The following MAN1A2 variants were observed in gnomAD, a reference collection of about 807,000 sequenced individuals.
The protein encoded by MAN1A2 is mannosyl-oligosaccharide 1,2-alpha-mannosidase IB.
A neutral mutation model predicts 75.7 loss-of-function variants in MAN1A2; 26 were observed. That is an observed-to-expected ratio of 0.34 (90% CI 0.25 to 0.48). MAN1A2 has a LOEUF of 0.48. Ranked by LOEUF, MAN1A2 falls within the 20% of genes least tolerant of loss-of-function variation. The pLI is 0.99. For synonymous variants in MAN1A2, 247 were observed against 264.6 expected (o/e 0.93, Z 0.65); for missense variants, 562 against 775.5 (o/e 0.72, Z 3.27).
Position 117,512,665 on chromosome 1 carries a change from A to G in MAN1A2, c.1793+9695A>G, listed in dbSNP as rs940676933. The stretch of plus-strand genomic sequence containing the variant: ...TAGTTCAGTCTCTTCAAATAGGTAT[A>G]CTGGAAGACCAGAACCGTGGTCTTT... On this transcript the variant is annotated intron_variant, in intron 12 of 12. Coordinates refer to ENST00000356554, the MANE Select transcript of MAN1A2 (RefSeq NM_006699.5). Among the ~76,000 whole-genome samples the G allele has an allele frequency of 6.6e-5, 10 of 151,972 alleles. No individual in the cohort carries two copies. In the East Asian group the frequency reaches 1.7e-3, roughly 26 times the overall value.
At position 117,515,545 on chromosome 1, in the gene MAN1A2, G is replaced by A. The variant is rs1224242235; in HGVS notation, c.1794-7280G>A. 1.8e-4 allele frequency: 28 copies of A among 152,096 alleles called. 1 individual carries two copies. The highest frequency in any genetic ancestry group is 1.7e-3 in the Admixed American group (26 of 15,244). The allele number at this position is 152,096 out of a possible 1,614,324, so 9.4% of individuals were successfully genotyped here. On this transcript the variant is annotated intron_variant, in intron 12 of 12. Coordinates refer to ENST00000356554, the MANE Select transcript of MAN1A2 (RefSeq NM_006699.5). ...GTGGGGTAAAACAGAAAGTAGCTTT[G>A]TGAAAAGAAGGATTCAGCCTGAAAA...
intron 2 of MAN1A2, 59 bp downstream of exon 2, chr1:117,402,500 A>G (rs1231411728): frequency 2.2e-5 from 31 of 1,432,918 alleles, no homozygotes; most frequent in Non-Finnish European, 1.5e-5. Context: ...GATACAAACA[A>G]ATATATATAA....
chr1:117,379,522 T>G (rs1653262404), intron 1 of MAN1A2, among the ~76,000 whole-genome samples: 1 of 152,140 alleles, frequency 6.6e-6, no homozygotes. Flanking sequence ...AAGTGAGCAC[T>G]TAGTAGTATT....
chr1:117,480,476 T>G (rs1650461429), intron 8 of MAN1A2, among the ~76,000 whole-genome samples: 1 of 151,802 alleles, frequency 6.6e-6, no homozygotes, highest in Non-Finnish European at 1.5e-5. Context: ...GTCCAAAGTT[T>G]TTGGTTGTTT....
chr1:117,470,976 A>G (rs1398127882), intron 8 of MAN1A2, among the ~76,000 whole-genome samples: 1 of 151,956 alleles, frequency 6.6e-6, no homozygotes, highest in African/African-American at 2.4e-5. Flanking sequence ...AACAGATGTA[A>G]AAGAATATAG....
Position 117,528,529 on chromosome 1 carries a change from T to A in MAN1A2, c.*5572T>A, listed in dbSNP as rs1181186914. ...TTGTGGCTGTTTTATTTCTACAAAATTCTGTAAGATGTATACCAGAAAACA... is the reference window on the plus strand; with the variant it reads ...TTGTGGCTGTTTTATTTCTACAAAAATCTGTAAGATGTATACCAGAAAACA... On this transcript the variant is annotated 3_prime_UTR_variant, in exon 13 of 13. Transcript: ENST00000356554. 2.6e-5 allele frequency: 4 copies of A among 152,106 alleles called. No homozygotes were observed. In the South Asian group the frequency reaches 8.3e-4, roughly 31 times the overall value. 9.4% of individuals were successfully genotyped at this position (152,106 alleles called of 1,614,324 possible). A position where few individuals can be genotyped will look rare whatever the true frequency, so the allele number is the denominator to read the frequency against.
At chr1:117,517,993 T>C (rs952508472) in intron 12 of MAN1A2, among the ~76,000 whole-genome samples, 4 of 151,866 alleles carry the variant, frequency 2.6e-5, no homozygotes, top group Non-Finnish European at 4.4e-5. Context: ...CCATCTGATA[T>C]AGGAAATGGA....
intron 5 of MAN1A2, among the ~76,000 whole-genome samples, chr1:117,431,187 TGGGGAGAGGGAGGGGGAGGGGGAG>T (rs1557947785): frequency 3.9e-5 from 2 of 50,910 alleles, no homozygotes; most frequent in Non-Finnish European, 7.0e-5. Flanking sequence ...AGGGAGACCG[TGGGGAGAGGGAGGGGGAGGGGGAG>T]GGGGAGGGGG....
intron 5 of MAN1A2, among the ~76,000 whole-genome samples, chr1:117,438,276 T>A (rs753231015): frequency 1.8e-4 from 27 of 152,162 alleles, no homozygotes; most frequent in East Asian, 1.2e-3. Context: ...AAAAAAAAAA[T>A]TTTAATAGAA....
intron 8 of MAN1A2, among the ~76,000 whole-genome samples, chr1:117,486,649 A>G (rs1210886261): frequency 6.6e-6 from 1 of 151,984 alleles, no homozygotes; most frequent in East Asian, 1.9e-4. Flanking sequence ...CTAAAGATAA[A>G]ATTGATTTAA....
chr1:117,401,691 C>A (rs146949242), intron 1 of MAN1A2, among the ~76,000 whole-genome samples: 2 of 152,198 alleles, frequency 1.3e-5, no homozygotes, highest in East Asian at 1.9e-4. Flanking sequence ...GTAGTCATGC[C>A]CACATCTGTT....
At chr1:117,500,712 C>T (rs1651174492) in intron 11 of MAN1A2, among the ~76,000 whole-genome samples, 2 of 151,820 alleles carry the variant, frequency 1.3e-5, no homozygotes, top group Non-Finnish European at 2.9e-5. Flanking sequence ...ATTGATGCTG[C>T]TTTTCCTTGG....
At chr1:117,423,199 T>C (rs1040189303) in intron 5 of MAN1A2, among the ~76,000 whole-genome samples, 5 of 152,200 alleles carry the variant, frequency 3.3e-5, no homozygotes, top group African/African-American at 1.2e-4. Flanking sequence ...TGATTAGGTA[T>C]GTGTGGGTCT....
rs115729167 is a variant in MAN1A2, at chr1:117,448,177, C to T, written c.950+5852C>T. 6.3e-3 allele frequency among the ~76,000 whole-genome samples: 951 copies of T among 152,096 alleles called. 8 individuals carry two copies. The highest frequency in any genetic ancestry group is 0.022 in the African/African-American group (908 of 41,480). On this transcript the variant is annotated intron_variant, in intron 6 of 12. Coordinates refer to ENST00000356554, the MANE Select transcript of MAN1A2 (RefSeq NM_006699.5). ...ATTCCTGAATATTTTATTCTCCTTG[C>T]GGCAATTCTGAACGGGAGCTTATTA...
chr1:117,443,154 G>C (rs1353298661), intron 6 of MAN1A2, among the ~76,000 whole-genome samples: 1 of 151,420 alleles, frequency 6.6e-6, no homozygotes, highest in African/African-American at 2.4e-5. Flanking sequence ...TAAAAGTTAG[G>C]AACATTTATT....
At chr1:117,403,901 T>C (rs1647525401) in intron 2 of MAN1A2, among the ~76,000 whole-genome samples, 1 of 152,212 alleles carries the variant, frequency 6.6e-6, no homozygotes, top group African/African-American at 2.4e-5. Flanking sequence ...GTGTCAACTG[T>C]AGGTTTTTTA....
chr1:117,388,935 G>A (rs550101130), intron 1 of MAN1A2, among the ~76,000 whole-genome samples: 2 of 152,066 alleles, frequency 1.3e-5, no homozygotes, highest in Non-Finnish European at 2.9e-5. Flanking sequence ...TGTACTGATG[G>A]TGATTTCTGA....
intron 12 of MAN1A2, among the ~76,000 whole-genome samples, chr1:117,503,448 G>C (rs931094897): frequency 3.3e-5 from 5 of 151,364 alleles, no homozygotes; most frequent in African/African-American, 1.2e-4. Context: ...TCATCCACCC[G>C]ATGAGCCTTA....
chr1:117,466,227 G>A, intron 7 of MAN1A2, 107 bp from the exon 8 acceptor site: 1 of 669,134 alleles, frequency 1.5e-6, no homozygotes, highest in Non-Finnish European at 2.5e-6. Context: ...ACAAAGGCAG[G>A]GAATAGGTGT....
Sources: allele counts gnomAD v4.1 joint callset (sites outside exome capture counted in the v4.1 genomes callset), GRCh38; gene constraint gnomAD v4.1.1; transcripts MANE v1.5; gene names NCBI Gene and HGNC (gene_info 2026-07-23, HGNC 2026-07-21).